The following SLC24A2 variants were observed in gnomAD, a reference collection of about 807,000 sequenced individuals.
SLC24A2 encodes sodium/potassium/calcium exchanger 2.
In SLC24A2, 36 loss-of-function variants were observed where a neutral mutation model predicts 62.0. That is an observed-to-expected ratio of 0.58 (90% CI 0.44 to 0.77). The LOEUF (loss-of-function observed/expected upper bound fraction) is 0.77, where lower values mean the gene tolerates loss of function less well. Among genes scored for constraint, SLC24A2 ranks in the 30% least tolerant of loss-of-function variants. The pLI is 0.00. For missense variants in SLC24A2, 846 were observed against 817.9 expected (o/e 1.03, Z -0.42); for synonymous variants, 358 against 294.0 (o/e 1.22, Z -2.23).
At chr9:19,705,562 G>T (rs1259063318) in intron 2 of SLC24A2, 1 of 230,752 alleles carries the variant, frequency 4.3e-6, no homozygotes, top group Admixed American at 4.1e-5. Flanking sequence ...CCATGGAAGT[G>T]GAAGCCCCCC....
At chr9:19,982,947 G>C in the SLC24A2 span, among the ~76,000 whole-genome samples, 2 of 152,234 alleles carry the variant, frequency 1.3e-5, no homozygotes, top group South Asian at 4.2e-4. Context: ...AAAAAGATTT[G>C]ACAAAATCCA....
the SLC24A2 span, among the ~76,000 whole-genome samples, chr9:20,172,634 C>A: frequency 3.3e-5 from 5 of 151,964 alleles, no homozygotes; most frequent in African/African-American, 1.2e-4. Flanking sequence ...ATACAACTCT[C>A]CTAGCTTAAA....
chr9:19,716,503 C>A (rs528398619), intron 2 of SLC24A2, among the ~76,000 whole-genome samples: 1 of 152,342 alleles, frequency 6.6e-6, no homozygotes, highest in South Asian at 2.1e-4. Flanking sequence ...TTTGCAGTGA[C>A]ATTCTCCTGT....
At chr9:19,879,015 C>T in the SLC24A2 span, among the ~76,000 whole-genome samples, 1 of 152,100 alleles carries the variant, frequency 6.6e-6, no homozygotes. Flanking sequence ...AAACCATGTA[C>T]CACCACAGGA....
chr9:20,283,818 A>C, the SLC24A2 span, among the ~76,000 whole-genome samples: 1 of 151,380 alleles, frequency 6.6e-6, no homozygotes, highest in African/African-American at 2.4e-5. Context: ...CGAAAGGTGT[A>C]GGATTCCCGC....
chr9:19,873,291 C>T, the SLC24A2 span, among the ~76,000 whole-genome samples: 2 of 147,436 alleles, frequency 1.4e-5, no homozygotes, highest in Non-Finnish European at 3.0e-5. Flanking sequence ...TTTCTTTCTT[C>T]TTTTCTTTTC....
At chr9:19,719,671 C>G (rs1254148829) in intron 2 of SLC24A2, among the ~76,000 whole-genome samples, 1 of 152,172 alleles carries the variant, frequency 6.6e-6, no homozygotes. Flanking sequence ...AAGGTCAAAT[C>G]TTGAGTACTT....
intron 2 of SLC24A2, among the ~76,000 whole-genome samples, chr9:19,672,894 G>A (rs1051486407): frequency 6.8e-6 from 1 of 146,314 alleles, no homozygotes; most frequent in Non-Finnish European, 1.5e-5. Flanking sequence ...TGTTGTCTGA[G>A]ACAGTACTTG....
At chr9:20,068,122 G>T in the SLC24A2 span, among the ~76,000 whole-genome samples, 1 of 140,226 alleles carries the variant, frequency 7.1e-6, no homozygotes, top group East Asian at 2.1e-4. Context: ...GGAGTGCAGT[G>T]GTGCAATCTT....
chr9:19,830,446 G>A, the SLC24A2 span, among the ~76,000 whole-genome samples: 1 of 152,136 alleles, frequency 6.6e-6, no homozygotes, highest in Non-Finnish European at 1.5e-5. Flanking sequence ...AGAATTAGTA[G>A]TAGCTACATT....
chr9:20,304,527 G>C, the SLC24A2 span, among the ~76,000 whole-genome samples: 1 of 152,122 alleles, frequency 6.6e-6, no homozygotes, highest in East Asian at 1.9e-4. Context: ...AAACACATGC[G>C]TAAGTTTGGA....
chr9:19,811,407 T>A, the SLC24A2 span, among the ~76,000 whole-genome samples: 2 of 152,234 alleles, frequency 1.3e-5, no homozygotes, highest in African/African-American at 4.8e-5. Flanking sequence ...AACTTAAATT[T>A]GCAATGGGTT....
chr9:20,026,620 C>A, the SLC24A2 span, among the ~76,000 whole-genome samples: 1 of 152,200 alleles, frequency 6.6e-6, no homozygotes, highest in African/African-American at 2.4e-5. Flanking sequence ...TGGATGTCCA[C>A]ATGCCGAATA....
chr9:19,852,804 CT>C, the SLC24A2 span, among the ~76,000 whole-genome samples: 5 of 148,352 alleles, frequency 3.4e-5, no homozygotes, highest in African/African-American at 1.2e-4. Context: ...TATATGAGCT[CT>C]TTTTTGGTTC....
rs367941207 is a variant in SLC24A2, at chr9:19,514,680, G to GGA, written c.*1471_*1472dup. The GGA allele has an allele frequency of 1.9e-3, 291 of 152,240 alleles. No homozygotes were observed. Among genetic ancestry groups the GGA allele is most frequent in the African/African-American group, 6.8e-3 (284 of 41,538 alleles). 9.4% of individuals were successfully genotyped at this position (152,240 alleles called of 1,614,324 possible). The stretch of plus-strand genomic sequence containing the variant: ...AGTGAATAGCTTGAAACCAGTATAA[G>GGA]GAAGCTGTCAAATACCGTGTACTCT... On this transcript the variant is annotated 3_prime_UTR_variant, in exon 11 of 11. Coordinates refer to ENST00000341998, the MANE Select transcript of SLC24A2 (RefSeq NM_020344.4).
chr9:20,110,817 T>C, the SLC24A2 span, among the ~76,000 whole-genome samples: 5 of 152,224 alleles, frequency 3.3e-5, no homozygotes, highest in Non-Finnish European at 5.9e-5. Flanking sequence ...TTGAACAAGA[T>C]TTATGAAAAA....
At chr9:19,689,226 T>C (rs1195008111) in intron 2 of SLC24A2, among the ~76,000 whole-genome samples, 1 of 152,124 alleles carries the variant, frequency 6.6e-6, no homozygotes, top group Non-Finnish European at 1.5e-5. Flanking sequence ...GCCAGTGCGC[T>C]TCTCCACGGA....
the SLC24A2 span, among the ~76,000 whole-genome samples, chr9:19,953,486 A>G: frequency 6.6e-6 from 1 of 152,042 alleles, no homozygotes; most frequent in East Asian, 1.9e-4. Flanking sequence ...AAATGGCAGG[A>G]AAGATTGAAT....
At chr9:19,985,690 G>A in the SLC24A2 span, among the ~76,000 whole-genome samples, 3 of 151,998 alleles carry the variant, frequency 2.0e-5, no homozygotes, top group Non-Finnish European at 4.4e-5. Flanking sequence ...GTCAAAATGT[G>A]TCAAATCTTA....
Sources: allele counts gnomAD v4.1 joint callset (sites outside exome capture counted in the v4.1 genomes callset), GRCh38; gene constraint gnomAD v4.1.1; transcripts MANE v1.5; gene names NCBI Gene and HGNC (gene_info 2026-07-23, HGNC 2026-07-21).